The following ARHGAP21 variants were observed in gnomAD, a reference collection of about 807,000 sequenced individuals.
The protein encoded by ARHGAP21 is Rho GTPase activating protein 21.
In ARHGAP21, 38 loss-of-function variants were observed where a neutral mutation model predicts 164.6. That is an observed-to-expected ratio of 0.23 (90% CI 0.18 to 0.30). The LOEUF is 0.30. ARHGAP21 is among the 10% of genes least tolerant of loss of function. The probability of loss-of-function intolerance (pLI) is 1.00; values close to 1 mark genes in which losing one functional copy is unlikely to be tolerated. For missense variants in ARHGAP21, 1,822 were observed against 2,370.7 expected (o/e 0.77, Z 4.81); for synonymous variants, 766 against 857.9 (o/e 0.89, Z 1.87).
At chr10:24,667,078 C>T in intron 3 of ARHGAP21, 69 bp from the exon 4 acceptor site, 1 of 871,722 alleles carries the variant, frequency 1.1e-6, no homozygotes, top group Non-Finnish European at 1.7e-6. Context: ...CACAGCAAGG[C>T]TCAATTTAAT....
intron 3 of ARHGAP21, among the ~76,000 whole-genome samples, 189 bp downstream of exon 3, chr10:24,670,029 G>A (rs1840552266): frequency 6.6e-6 from 1 of 152,120 alleles, no homozygotes; most frequent in Admixed American, 6.5e-5. Context: ...GAAGACTAAA[G>A]TTTCTGTTTT....
chr10:24,630,213 T>C (rs556176367), intron 6 of ARHGAP21, among the ~76,000 whole-genome samples, 163 bp from the exon 7 acceptor site: 108 of 152,288 alleles, frequency 7.1e-4, no homozygotes, highest in African/African-American at 2.6e-3. Context: ...TGAAAAGAAG[T>C]CACCTTTGTA....
chr10:24,626,454 C>T (rs376817782), intron 7 of ARHGAP21, among the ~76,000 whole-genome samples: 7 of 152,248 alleles, frequency 4.6e-5, no homozygotes, highest in African/African-American at 1.4e-4. Context: ...CAGAGAGCTG[C>T]GTCAGCTCTT....
At chr10:24,612,405 A>G (rs1219221534) in intron 9 of ARHGAP21, among the ~76,000 whole-genome samples, 2 of 152,258 alleles carry the variant, frequency 1.3e-5, no homozygotes, top group African/African-American at 4.8e-5. Context: ...CAGCATGTAT[A>G]TATCTTTTTA....
chr10:24,620,898 G>C lies in ARHGAP21; in HGVS notation c.997C>G (p.Pro333Ala), dbSNP rs1321574271. 2 of 1,613,898 alleles carry C rather than the reference G, an allele frequency of 1.2e-6. No individual in the cohort carries two copies. The highest frequency in any genetic ancestry group is 1.1e-5 in the South Asian group (1 of 91,064). Reference sequence around the variant, plus strand: ...GGTTCCAGTGATCTGGAGCCTGCAGGCTGATGAATTAGATGAGTGGTGGGA... The same window carrying C: ...GGTTCCAGTGATCTGGAGCCTGCAGCCTGATGAATTAGATGAGTGGTGGGA... ...SIPTTHLIHQ[P>A]AGSRSLEPSG... is the part of the protein sequence containing the mutation. The change falls in exon 9 of 26, where the codon CCT (proline) becomes GCT (alanine). Residue 333 changes from proline (P) to alanine (A), a missense_variant. Transcript: ENST00000396432.
intron 2 of ARHGAP21, 86 bp from the exon 3 acceptor site, chr10:24,670,483 C>T (rs1840598675): frequency 2.3e-6 from 2 of 867,456 alleles, no homozygotes; most frequent in Non-Finnish European, 3.2e-6. Flanking sequence ...ATGTTAATAC[C>T]TGAGCGCCGA....
chr10:24,665,499 CAA>C (rs1840100116), intron 4 of ARHGAP21, among the ~76,000 whole-genome samples: 2 of 152,066 alleles, frequency 1.3e-5, no homozygotes, highest in African/African-American at 4.8e-5. Context: ...TTATGCCTGA[CAA>C]AAGAGTACAT....
At chr10:24,641,867 C>T (rs1392601693) in intron 4 of ARHGAP21, among the ~76,000 whole-genome samples, 3 of 151,982 alleles carry the variant, frequency 2.0e-5, no homozygotes, top group Admixed American at 6.6e-5. Context: ...CATTGTGGCA[C>T]ATCCCTATAA....
chr10:24,697,848 G>T (rs895322206), intron 2 of ARHGAP21, among the ~76,000 whole-genome samples: 1 of 151,246 alleles, frequency 6.6e-6, no homozygotes, highest in Non-Finnish European at 1.5e-5. Context: ...CGACAAGAGC[G>T]AAACTCCATC....
chr10:24,662,889 CT>C (rs1408748272), intron 4 of ARHGAP21, among the ~76,000 whole-genome samples: 2 of 151,956 alleles, frequency 1.3e-5, no homozygotes, highest in Admixed American at 6.5e-5. Context: ...TGTTAGACCC[CT>C]GATGGTAAAC....
At chr10:24,711,297 G>A (rs1469389000) in intron 2 of ARHGAP21, among the ~76,000 whole-genome samples, 2 of 151,674 alleles carry the variant, frequency 1.3e-5, no homozygotes, top group Non-Finnish European at 2.9e-5. Context: ...GGAAAAGAAG[G>A]GTTTCAGGCA....
chr10:24,588,902 C>G (rs886872715), intron 25 of ARHGAP21, among the ~76,000 whole-genome samples: 1 of 152,092 alleles, frequency 6.6e-6, no homozygotes, highest in East Asian at 1.9e-4. Flanking sequence ...AAGCAGGTGG[C>G]GTACAGAGCA....
intron 9 of ARHGAP21, among the ~76,000 whole-genome samples, chr10:24,619,261 G>T (rs202210050): frequency 2.2e-4 from 33 of 148,896 alleles, no homozygotes; most frequent in East Asian, 3.9e-4. Context: ...TGAAGTTTTT[G>T]TTTTTTTTTT....
chr10:24,616,678 G>A (rs79552833), intron 9 of ARHGAP21, among the ~76,000 whole-genome samples: 12,252 of 152,198 alleles, frequency 0.081, 736 homozygotes, highest in Non-Finnish European at 0.12. Context: ...GGTAACAGTC[G>A]TAGCATTTTT....
rs1338555989 is a variant in ARHGAP21 at position 24,655,558 on chromosome 10, CG to C, written c.268+11426del. ...CGGCTGGAGGAGCGGACGGGCCCCGCGGGGCCCGAGGGCAAGGAGCAGCCGC... is the reference window on the plus strand; with the variant it reads ...CGGCTGGAGGAGCGGACGGGCCCCGCGGGCCCGAGGGCAAGGAGCAGCCGC... On this transcript the variant is annotated intron_variant, in intron 4 of 25. Coordinates refer to ENST00000396432, the MANE Select transcript of ARHGAP21 (RefSeq NM_020824.4). Among the ~76,000 whole-genome samples, 18 of 152,108 alleles carry C rather than the reference CG, an allele frequency of 1.2e-4. No individual in the cohort carries two copies. In the South Asian group the frequency reaches 2.3e-3, roughly 19 times the overall value.
intron 2 of ARHGAP21, among the ~76,000 whole-genome samples, chr10:24,716,710 T>C (rs1845420952): frequency 6.6e-6 from 1 of 152,238 alleles, no homozygotes; most frequent in Non-Finnish European, 1.5e-5. Flanking sequence ...TCCTGATTGC[T>C]GTGTGGAGAA....
chr10:24,612,779 C>T (rs545917095), intron 9 of ARHGAP21, among the ~76,000 whole-genome samples: 5 of 152,158 alleles, frequency 3.3e-5, no homozygotes, highest in East Asian at 1.9e-4. Context: ...GGCATGAACC[C>T]GGGAGGCAGA....
chr10:24,586,757 CAA>C (rs1173182304), intron 25 of ARHGAP21, among the ~76,000 whole-genome samples: 1 of 152,070 alleles, frequency 6.6e-6, no homozygotes, highest in Non-Finnish European at 1.5e-5. Flanking sequence ...TTAGAATATT[CAA>C]AAAACAGGCC....
intron 22 of ARHGAP21, 83 bp downstream of exon 22, chr10:24,591,804 C>A (rs1402919161): frequency 1.3e-6 from 2 of 1,596,140 alleles, no homozygotes; most frequent in East Asian, 2.2e-5. Context: ...CAACCTCTGT[C>A]TGACCAAATA....
Sources: allele counts gnomAD v4.1 joint callset (sites outside exome capture counted in the v4.1 genomes callset), GRCh38; gene constraint gnomAD v4.1.1; transcripts MANE v1.5; gene names NCBI Gene and HGNC (gene_info 2026-07-23, HGNC 2026-07-21).